The following BAG5 variants were observed in gnomAD, a reference collection of about 807,000 sequenced individuals.
The protein encoded by BAG5 is BAG cochaperone 5.
In BAG5, 25 loss-of-function variants were observed where a neutral mutation model predicts 31.8. The observed-to-expected ratio is 0.79, with a 90% CI of 0.57 to 1.10. The LOEUF (loss-of-function observed/expected upper bound fraction) is 1.10. BAG5 is among the 50% of genes least tolerant of loss of function. BAG5 has a pLI of 0.00. For synonymous variants in BAG5, 208 were observed against 205.0 expected (o/e 1.01, Z -0.13); for missense variants, 491 against 527.9 (o/e 0.93, Z 0.68).
At chr14:103,561,836 G>T in intron 1 of BAG5, 2 of 1,103,680 alleles carry the variant, frequency 1.8e-6, no homozygotes, top group Non-Finnish European at 1.4e-6. Flanking sequence ...CACCTCCTCA[G>T]CCCCCAACAT....
rs2076061640 is a variant in BAG5, at chr14:103,560,143, G to C, written c.1022C>G (p.Thr341Ser). 1.2e-6 allele frequency: 2 copies of C among 1,614,096 alleles called. No individual in the cohort carries two copies. The highest frequency in any genetic ancestry group is 1.7e-6 in the Non-Finnish European group (2 of 1,180,024). The stretch of plus-strand genomic sequence containing the variant: ...CTTCAAGTCAATATATGTGATCAGA[G>C]TTTGCACCTCGATCACTGCTCTTCT... ...ARRRAVIEVQTLITYIDLKEA... is the reference protein window; with the variant it reads ...ARRRAVIEVQSLITYIDLKEA... Residue 341 changes from threonine to serine, a missense_variant, in exon 2 of 2, where the codon ACT becomes AGT. Coordinates refer to ENST00000299204, the MANE Select transcript of BAG5 (RefSeq NM_001015048.3).
At position 103,560,283 on chromosome 14, in the gene BAG5, G is replaced by A; in HGVS notation, c.882C>T (p.Leu294=). 1 of 1,614,094 alleles carries A rather than the reference G, an allele frequency of 6.2e-7. No individual in the cohort carries two copies. The highest frequency in any genetic ancestry group is 8.5e-7 in the Non-Finnish European group (1 of 1,180,012). The change falls in exon 2 of 2, where the codon CTC becomes CTT. Residue 294 remains leucine (L), a synonymous_variant. Coordinates refer to ENST00000299204, the MANE Select transcript of BAG5 (RefSeq NM_001015048.3). ...KRMREIKNEL[L]QAQNPSELYL... is the part of the protein sequence containing the mutation. The stretch of plus-strand genomic sequence containing the variant: ...ACAATTCAGAAGGGTTTTGTGCTTG[G>A]AGAAGTTCATTTTTTATTTCTCTCA...
chr14:103,560,060 C>T lies in BAG5; in HGVS notation c.1105G>A (p.Val369Ile), dbSNP rs781141067. 1.6e-5 allele frequency: 26 copies of T among 1,614,062 alleles called. No homozygotes were observed. Among genetic ancestry groups the T allele is most frequent in the Middle Eastern group, 1.6e-4 (1 of 6,084 alleles). Residue 369 changes from valine (V) to isoleucine (I), a missense_variant, in exon 2 of 2, where the codon GTC (valine) becomes ATC (isoleucine). Physicochemically the swap from Val to Ile is conservative, Grantham distance 29 (BLOSUM62 3). Transcript: ENST00000299204. Reference sequence around the variant, plus strand: ...GACAAGTTTCCAAGGACGTTCCAGACGGCTTTATGGGATGGGTGCTCCTCA... The same window carrying T: ...GACAAGTTTCCAAGGACGTTCCAGATGGCTTTATGGGATGGGTGCTCCTCA... ...ACEEHPSHKA[V>I]WNVLGNLSEI...
At chr14:103,561,633 G>A in intron 1 of BAG5, 1 of 444,004 alleles carries the variant, frequency 2.3e-6, no homozygotes, top group Admixed American at 4.0e-5. Flanking sequence ...AAAAACCAGT[G>A]GCTCTCAGAC....
chr14:103,562,090 G>C (rs1475248938), intron 1 of BAG5: 4 of 927,742 alleles, frequency 4.3e-6, no homozygotes, highest in Non-Finnish European at 7.1e-6. Context: ...CTTCCCTCTT[G>C]GCCCTTTACC....
rs774731133 is a variant in BAG5, at chr14:103,560,190, G to T, written c.975C>A (p.Asn325Lys). 2.0e-5 allele frequency: 33 copies of T among 1,613,856 alleles called. No individual in the cohort carries two copies. Among genetic ancestry groups the T allele is most frequent in the African/African-American group, 6.7e-5 (5 of 74,872 alleles). Residue 325 changes from asparagine to lysine, a missense_variant, in exon 2 of 2, where the codon AAC becomes AAA. Asn to Lys is a moderately conservative substitution (Grantham distance 94). Transcript: ENST00000299204. ...GQLDEVSLEKNPCIREARRRA... is the reference protein window; with the variant it reads ...GQLDEVSLEKKPCIREARRRA... ...TTCTCCTGGCTTCCCGGATGCAGGG[G>T]TTTTTTTCAAGACTTACCTCATCCA...
intron 1 of BAG5, chr14:103,562,240 G>A (rs1017227525): frequency 1.9e-6 from 1 of 531,696 alleles, no homozygotes; most frequent in Non-Finnish European, 3.4e-6. Flanking sequence ...AGGTCTGAGC[G>A]GGGCAGCCGG....
In BAG5 at chr14:103,559,961, G is replaced by C; in HGVS notation, c.1204C>G (p.Leu402Val). 1.2e-6 allele frequency: 2 copies of C among 1,614,224 alleles called. No homozygotes were observed. The highest frequency in any genetic ancestry group is 2.2e-5 in the South Asian group (2 of 91,084). The change falls in exon 2 of 2, where the codon CTC (leucine) becomes GTC (valine). Residue 402 changes from leucine to valine, a missense_variant. Transcript: ENST00000299204. ...TCCAGGGCTAGCAGCTGCTTGGTGAGCAGCTCTTCCAGCCGGATGTAGTTC... is the reference window on the plus strand; with the variant it reads ...TCCAGGGCTAGCAGCTGCTTGGTGACCAGCTCTTCCAGCCGGATGTAGTTC... ...DKNYIRLEEL[L>V]TKQLLALDAV...
At chr14:103,561,847 G>C in intron 1 of BAG5, 1 of 1,210,500 alleles carries the variant, frequency 8.3e-7, no homozygotes, top group Non-Finnish European at 1.2e-6. Context: ...CCCCCAACAT[G>C]CTCCACTCTC....
rs146624932 is a variant in BAG5, at chr14:103,561,931, A to G, written c.-29+685T>C. 1.6e-4 allele frequency: 256 copies of G among 1,612,928 alleles called. 2 individuals carry two copies. The African/African-American group carries it at 2.8e-3, about 18-fold the overall frequency. ...CACTCGCCTCCCACTGGGAGTCCAC[A>G]ATGGCCTAATGCACGTTTCAAGCTC... On this transcript the variant is annotated intron_variant, in intron 1 of 1. Transcript: ENST00000299204.
Position 103,559,476 on chromosome 14 carries a change from T to C in BAG5, c.*345A>G, listed in dbSNP as rs1172771179. ...ATTTTCCTAGTATTATGTAAGGTTATGCCTAGTTCTAGATTCTGAAAGACC... is the reference window on the plus strand; with the variant it reads ...ATTTTCCTAGTATTATGTAAGGTTACGCCTAGTTCTAGATTCTGAAAGACC... On this transcript the variant is annotated 3_prime_UTR_variant, in exon 2 of 2. Transcript: ENST00000299204. The C allele has an allele frequency of 1.8e-5, 4 of 221,894 alleles. No individual in the cohort carries two copies. The highest frequency in any genetic ancestry group is 3.6e-5 in the Non-Finnish European group (4 of 110,432). 13.7% of individuals were successfully genotyped at this position (221,894 alleles called of 1,614,324 possible).
At chr14:103,562,084 C>T (rs982418065) in intron 1 of BAG5, 20 of 955,130 alleles carry the variant, frequency 2.1e-5, no homozygotes, top group South Asian at 1.9e-4. Flanking sequence ...CTCGCCCTTC[C>T]CTCTTGGCCC....
rs780967214 is a variant in BAG5 at position 103,561,201 on chromosome 14, C to T, written c.-28-9G>A. 1.9e-6 allele frequency: 3 copies of T among 1,578,248 alleles called. No individual in the cohort carries two copies. Among genetic ancestry groups the T allele is most frequent in the Non-Finnish European group, 2.6e-6 (3 of 1,170,956 alleles). ...GTTCAGTTTCACAAGCACTAAAAGA[C>T]GACAAGAATGATAACTTACTACAGC... is the stretch of plus-strand genomic sequence containing the variant. On this transcript the variant is annotated splice_polypyrimidine_tract_variant and intron_variant, in intron 1 of 1. Transcript: ENST00000299204.
intron 1 of BAG5, chr14:103,562,326 G>A (rs2076084729): frequency 2.8e-6 from 1 of 362,394 alleles, no homozygotes; most frequent in Non-Finnish European, 5.1e-6. Flanking sequence ...TGCAGGACGT[G>A]ACCTCACAAT....
chr14:103,559,911 C>A lies in BAG5; in HGVS notation c.1254G>T (p.Glu418Asp), dbSNP rs1199513328. ...CTTGTTTCCTGGCAGCCTTACACTTCTCTTCTCCCTGCGGATCAACAGCAT... is the reference window on the plus strand; with the variant it reads ...CTTGTTTCCTGGCAGCCTTACACTTATCTTCTCCCTGCGGATCAACAGCAT... Reference protein sequence around the residue: ...ALDAVDPQGEEKCKAARKQAV... With the variant: ...ALDAVDPQGEDKCKAARKQAV... Residue 418 changes from glutamate (E) to aspartate (D), a missense_variant, in exon 2 of 2, where the codon GAG (glutamate) becomes GAT (aspartate). Physicochemically the swap from Glu to Asp is conservative, Grantham distance 45. Transcript: ENST00000299204. The A allele has an allele frequency of 1.2e-6, 2 of 1,613,930 alleles. No homozygotes were observed. The highest frequency in any genetic ancestry group is 8.5e-7 in the Non-Finnish European group (1 of 1,179,732).
At chr14:103,561,339 A>G (rs1485735878) in intron 1 of BAG5, 147 bp from the exon 2 acceptor site, 1 of 739,588 alleles carries the variant, frequency 1.4e-6, no homozygotes, top group South Asian at 1.9e-5. Context: ...AGCTGGGTCT[A>G]CAGTCGTACA....
At position 103,556,555 on chromosome 14, in the gene BAG5, C is replaced by T. The variant is rs1222255547; in HGVS notation, c.*3266G>A. 6.6e-6 allele frequency: 1 copy of T among 151,974 alleles called. No individual in the cohort carries two copies. The highest frequency in any genetic ancestry group is 1.5e-5 in the Non-Finnish European group (1 of 68,022). The allele number at this position is 151,974 out of a possible 1,614,324, so 9.4% of individuals were successfully genotyped here. A position where few individuals can be genotyped will look rare whatever the true frequency, so the allele number is the denominator to read the frequency against. On this transcript the variant is annotated 3_prime_UTR_variant, in exon 2 of 2. Transcript: ENST00000299204. ...ACCTCAGACTCACAGCCTTTCTCCACTGCAAGCGTAAGAGACTGGTTTTAT... is the reference window on the plus strand; with the variant it reads ...ACCTCAGACTCACAGCCTTTCTCCATTGCAAGCGTAAGAGACTGGTTTTAT...
rs1566972336 is a variant in BAG5 at position 103,559,760 on chromosome 14, C to G, written c.*61G>C. ...CGTATAAATCAATGAACTGAAAGCTCTCTATACATAGAAGCACATATGAAG... is the reference window on the plus strand; with the variant it reads ...CGTATAAATCAATGAACTGAAAGCTGTCTATACATAGAAGCACATATGAAG... On this transcript the variant is annotated 3_prime_UTR_variant, in exon 2 of 2. Coordinates refer to ENST00000299204, the MANE Select transcript of BAG5 (RefSeq NM_001015048.3). 1 of 1,540,434 alleles carries G rather than the reference C, an allele frequency of 6.5e-7. No homozygotes were observed. Among genetic ancestry groups the G allele is most frequent in the Non-Finnish European group, 8.7e-7 (1 of 1,143,706 alleles).
intron 1 of BAG5, 150 bp downstream of exon 1, chr14:103,562,466 G>A (rs925171658): frequency 4.0e-4 from 77 of 192,642 alleles, no homozygotes; most frequent in Admixed American, 6.9e-4. Flanking sequence ...CGGGGACAGC[G>A]CCGAGACCGA....
Sources: gnomAD v4.1 joint callset for allele counts on GRCh38, gnomAD v4.1.1 for gene constraint, MANE v1.5 for transcripts, NCBI Gene and HGNC (gene_info 2026-07-23, HGNC 2026-07-21) for gene names.